NFATC3: variants seen among roughly 807,000 people sequenced by gnomAD.
NFATC3 encodes nuclear factor of activated T cells 3, also known as nuclear factor of activated T-cells, cytoplasmic 3.
NFATC3 carries 46 observed loss-of-function variants against 98.6 expected under a neutral mutation model. That is an observed-to-expected ratio of 0.47 (90% CI 0.37 to 0.60). The LOEUF is 0.60. Ranked by LOEUF, NFATC3 falls within the 20% of genes least tolerant of loss-of-function variation. The pLI is 0.00. For missense variants in NFATC3, 1,256 were observed against 1,295.5 expected (o/e 0.97, Z 0.47); for synonymous variants, 512 against 472.2 (o/e 1.08, Z -1.09).
At chr16:68,115,354 A>C (rs7186787) in intron 1 of NFATC3, among the ~76,000 whole-genome samples, 1 of 152,140 alleles carries the variant, frequency 6.6e-6, no homozygotes, top group Non-Finnish European at 1.5e-5. Context: ...GAGCCGCTGC[A>C]CCCGGCCCCA....
At chr16:68,087,554 A>T (rs1002101604) in intron 1 of NFATC3, among the ~76,000 whole-genome samples, 45 of 152,132 alleles carry the variant, frequency 3.0e-4, no homozygotes, top group Non-Finnish European at 8.8e-5. Flanking sequence ...AGTTTTTTTA[A>T]TATTAAGGCA....
intron 9 of NFATC3, among the ~76,000 whole-genome samples, chr16:68,204,541 A>C (rs1488202152): frequency 1.3e-5 from 2 of 152,214 alleles, no homozygotes; most frequent in Non-Finnish European, 2.9e-5. Flanking sequence ...AGCACATCCC[A>C]GCGTTATATG....
chr16:68,121,242 C>CTTTTTTTTTTT (rs753615194), intron 1 of NFATC3, among the ~76,000 whole-genome samples: 189 of 102,314 alleles, frequency 1.8e-3, no homozygotes, highest in South Asian at 2.5e-3. Flanking sequence ...CTTTTCTTTT[C>CTTTTTTTTTTT]TTTTTTTTTT....
At chr16:68,154,042 A>G (rs1211190895) in intron 3 of NFATC3, among the ~76,000 whole-genome samples, 2 of 152,092 alleles carry the variant, frequency 1.3e-5, no homozygotes, top group African/African-American at 4.8e-5. Context: ...TCAGCCTTCT[A>G]AGTAGCTAGG....
chr16:68,137,120 C>T (rs920759599), intron 3 of NFATC3, among the ~76,000 whole-genome samples: 4 of 151,944 alleles, frequency 2.6e-5, no homozygotes, highest in Admixed American at 1.3e-4. Flanking sequence ...TTAACTTTTT[C>T]GCTTTATAAG....
intron 1 of NFATC3, among the ~76,000 whole-genome samples, chr16:68,117,385 C>T (rs1271935108): frequency 6.6e-6 from 1 of 152,198 alleles, no homozygotes; most frequent in Non-Finnish European, 1.5e-5. Flanking sequence ...GTTTAGAATG[C>T]TCCATTGGTT....
At chr16:68,195,146 T>C (rs1469510261) in intron 9 of NFATC3, among the ~76,000 whole-genome samples, 1 of 151,382 alleles carries the variant, frequency 6.6e-6, no homozygotes, top group Non-Finnish European at 1.5e-5. Context: ...TCCCAGCTAC[T>C]TGGGAGGCTG....
chr16:68,213,780 G>A (rs1296659551), intron 9 of NFATC3, among the ~76,000 whole-genome samples: 3 of 152,166 alleles, frequency 2.0e-5, no homozygotes, highest in Non-Finnish European at 4.4e-5. Context: ...AGTGGGCAGA[G>A]ATTGTGCCAC....
rs1220973768 is a variant in NFATC3, at chr16:68,164,380, G to A, written c.1602-2463G>A. Among the ~76,000 whole-genome samples the A allele has an allele frequency of 2.0e-5, 3 of 152,112 alleles. No individual in the cohort carries two copies. The East Asian group carries it at 5.8e-4, about 29-fold the overall frequency. ...CGGCTCGGTATCAGAGGGAGACCGT[G>A]GAAAGAGAGGGAGAGGGAGACCGTG... On this transcript the variant is annotated intron_variant, in intron 4 of 9. Transcript: ENST00000346183.
chr16:68,220,756 AC>A (rs2151178371), intron 9 of NFATC3, among the ~76,000 whole-genome samples: 2 of 128,984 alleles, frequency 1.6e-5, no homozygotes, highest in East Asian at 2.0e-4. Context: ...AAAAAAAAAT[AC>A]AAAAAAAAAA....
rs751871604 is a variant in NFATC3, at chr16:68,137,618, CT to C, written c.1401+11023del. Among the ~76,000 whole-genome samples, 401 of 142,116 alleles carry C rather than the reference CT, an allele frequency of 2.8e-3. 1 individual carries two copies. The highest frequency in any genetic ancestry group is 3.6e-3 in the Middle Eastern group (1 of 274). 93.2% of individuals were successfully genotyped at this position (142,116 alleles called of 152,430 possible). On this transcript the variant is annotated intron_variant, in intron 3 of 9. Transcript: ENST00000346183. ...TTTCTTAGTATATTTCATTTTCCTT[CT>C]TTTTTTTTTTTTTTGAAACAGTCTT...
At position 68,227,788 on chromosome 16, in the gene NFATC3, T is replaced by A. The variant is rs1344706098; in HGVS notation, c.*1317T>A. Reference sequence around the variant, plus strand: ...CTGTCTACCAAAGGAGGTACCCGAGTTGGGTACTTTAAAAAAAAAAAAAAC... The same window carrying A: ...CTGTCTACCAAAGGAGGTACCCGAGATGGGTACTTTAAAAAAAAAAAAAAC... On this transcript the variant is annotated 3_prime_UTR_variant, in exon 10 of 10. Transcript: ENST00000346183. 6.6e-6 allele frequency: 1 copy of A among 151,614 alleles called. No individual in the cohort carries two copies. The highest frequency in any genetic ancestry group is 1.5e-5 in the Non-Finnish European group (1 of 67,914). The allele number at this position is 151,614 out of a possible 1,614,324, so 9.4% of individuals were successfully genotyped here.
chr16:68,115,223 C>T (rs1033809106), intron 1 of NFATC3, among the ~76,000 whole-genome samples: 1 of 151,956 alleles, frequency 6.6e-6, no homozygotes, highest in Non-Finnish European at 1.5e-5. Context: ...TGCCACTATG[C>T]CTGGCTAAAT....
chr16:68,207,607 G>T (rs1342768395), intron 9 of NFATC3, among the ~76,000 whole-genome samples: 1 of 152,122 alleles, frequency 6.6e-6, no homozygotes, highest in Non-Finnish European at 1.5e-5. Flanking sequence ...GGGATTACAG[G>T]CATGTGCCAT....
intron 1 of NFATC3, among the ~76,000 whole-genome samples, chr16:68,102,962 G>A (rs1001343359): frequency 6.6e-6 from 1 of 152,012 alleles, no homozygotes; most frequent in African/African-American, 2.4e-5. Flanking sequence ...GACCAGTGAT[G>A]TTGAACATCT....
intron 9 of NFATC3, chr16:68,218,227 C>G (rs2041710674): frequency 1.2e-5 from 2 of 163,746 alleles, no homozygotes; most frequent in African/African-American, 4.8e-5. Flanking sequence ...CACACCTGGC[C>G]AAATTAATCA....
At position 68,121,242 on chromosome 16, in the gene NFATC3, CTTTTTTTTTT is replaced by C. The variant is rs753615194; in HGVS notation, c.104-732_104-723del. Among the ~76,000 whole-genome samples the C allele has an allele frequency of 1.8e-3, 183 of 102,364 alleles. 2 individuals are homozygous for C. Among genetic ancestry groups the C allele is most frequent in the African/African-American group, 6.0e-3 (155 of 25,642 alleles). The allele number at this position is 102,364 out of a possible 152,430, so 67.2% of individuals were successfully genotyped here. A position where few individuals can be genotyped will look rare whatever the true frequency, so the allele number is the denominator to read the frequency against. On this transcript the variant is annotated intron_variant, in intron 1 of 9. Transcript: ENST00000346183. ...AGGAATATCTCATTTCTTTTCTTTT[CTTTTTTTTTT>C]TTTTTTTTTTTTGAGACGGAGTCTT...
rs1475405219 is a variant in NFATC3 at position 68,205,307 on chromosome 16, G to T, written c.3106+13532G>T. On this transcript the variant is annotated intron_variant, in intron 9 of 9. Transcript: ENST00000346183. ...CTGTTGATCAGGCTGGAGTGCAGTG[G>T]GACCATCATGGCTCACTGCAGCCTC... 2.0e-5 allele frequency among the ~76,000 whole-genome samples: 3 copies of T among 152,058 alleles called. No individual in the cohort carries two copies. The East Asian group carries it at 5.8e-4, about 29-fold the overall frequency.
intron 3 of NFATC3, among the ~76,000 whole-genome samples, chr16:68,157,203 T>C (rs1174350724): frequency 6.6e-6 from 1 of 151,908 alleles, no homozygotes; most frequent in African/African-American, 2.4e-5. Flanking sequence ...TCTCTCTCTG[T>C]CTCTGTCTCT....
Sources: gnomAD v4.1 joint callset for allele counts (sites outside exome capture counted in the v4.1 genomes callset) on GRCh38, gnomAD v4.1.1 for gene constraint, MANE v1.5 for transcripts, NCBI Gene and HGNC (gene_info 2026-07-23, HGNC 2026-07-21) for gene names.